Variants in DLGAP4 observed in about 807,000 individuals in gnomAD.
DLGAP4 encodes the protein DLG associated protein 4.
In DLGAP4, 18 loss-of-function variants were observed where a neutral mutation model predicts 86.9. That is an observed-to-expected ratio of 0.21 (90% CI 0.14 to 0.31). The LOEUF is 0.31. DLGAP4 is among the 10% of genes least tolerant of loss of function. The pLI is 1.00. For synonymous variants in DLGAP4, 548 were observed against 574.3 expected (o/e 0.95, Z 0.65); for missense variants, 1,085 against 1,362.6 (o/e 0.80, Z 3.21).
Position 36,395,585 on chromosome 20 carries a change from G to T in DLGAP4, c.-73+28310G>T, listed in dbSNP as rs1425446683. 2.0e-5 allele frequency among the ~76,000 whole-genome samples: 3 copies of T among 152,038 alleles called. No homozygotes were observed. In the South Asian group the frequency reaches 6.2e-4, roughly 32 times the overall value. ...GCAATCTTGGCTCACTGCAACCTCC[G>T]CCTCCCAGGTTCAAGTGATTCTCCT... On this transcript the variant is annotated intron_variant, in intron 2 of 12. Transcript: ENST00000339266.
intron 4 of DLGAP4, 147 bp downstream of exon 4, chr20:36,436,497 C>A: frequency 7.4e-7 from 1 of 1,349,236 alleles, no homozygotes; most frequent in Non-Finnish European, 9.7e-7. Flanking sequence ...ACTCATGAGT[C>A]CTGCTTCTTG....
intron 7 of DLGAP4, among the ~76,000 whole-genome samples, chr20:36,475,957 T>A (rs2034895672): frequency 6.6e-6 from 1 of 152,052 alleles, no homozygotes; most frequent in East Asian, 2.0e-4. Flanking sequence ...CCTCCCGGGT[T>A]CAAGCAATTC....
At chr20:36,348,975 C>A (rs949051274) in intron 1 of DLGAP4, among the ~76,000 whole-genome samples, 2 of 150,938 alleles carry the variant, frequency 1.3e-5, no homozygotes, top group African/African-American at 4.9e-5. Context: ...TGGTGGTGTG[C>A]GCCTGTAATC....
chr20:36,317,628 A>C (rs2065122585), intron 1 of DLGAP4, among the ~76,000 whole-genome samples: 1 of 151,366 alleles, frequency 6.6e-6, no homozygotes, highest in Non-Finnish European at 1.5e-5. Flanking sequence ...TAATTAAAAA[A>C]AAAAAAAATT....
chr20:36,514,706 G>A lies in DLGAP4; in HGVS notation c.2513-9544G>A, dbSNP rs79939999. ...TAGGATTACAGGCATGAGCCACCGC[G>A]CCTGTCCTTGTTTTGTTTTTTTAAT... is the stretch of plus-strand genomic sequence containing the variant. On this transcript the variant is annotated intron_variant, in intron 10 of 12. Coordinates refer to ENST00000339266, the MANE Select transcript of DLGAP4 (RefSeq NM_001365621.2). 3.1e-3 allele frequency among the ~76,000 whole-genome samples: 470 copies of A among 152,122 alleles called. 2 individuals are homozygous for A. Among genetic ancestry groups the A allele is most frequent in the African/African-American group, 0.011 (445 of 41,498 alleles).
intron 4 of DLGAP4, among the ~76,000 whole-genome samples, chr20:36,438,720 T>A (rs1044533447): frequency 6.9e-6 from 1 of 144,334 alleles, no homozygotes; most frequent in African/African-American, 2.6e-5. Context: ...TTTTTTTTTT[T>A]TTTTTTGAGA....
intron 1 of DLGAP4, among the ~76,000 whole-genome samples, chr20:36,325,333 C>A (rs2065205716): frequency 6.6e-6 from 1 of 152,032 alleles, no homozygotes; most frequent in Non-Finnish European, 1.5e-5. Flanking sequence ...TTTTGCATAA[C>A]TTTAATCTTC....
chr20:36,470,765 T>G (rs1278794700), intron 7 of DLGAP4, among the ~76,000 whole-genome samples: 1 of 152,166 alleles, frequency 6.6e-6, no homozygotes, highest in African/African-American at 2.4e-5. Context: ...GAATTTTTCA[T>G]GTAAGTCTCT....
chr20:36,430,969 A>G (rs1395199370), intron 2 of DLGAP4, among the ~76,000 whole-genome samples: 1 of 151,614 alleles, frequency 6.6e-6, no homozygotes, highest in Non-Finnish European at 1.5e-5. Flanking sequence ...AAAAAAAAAA[A>G]AAAAAGACCT....
At chr20:36,450,420 C>T (rs1600546825) in intron 7 of DLGAP4, among the ~76,000 whole-genome samples, 1 of 152,190 alleles carries the variant, frequency 6.6e-6, no homozygotes, top group East Asian at 1.9e-4. Flanking sequence ...ATCGCTTAAG[C>T]CCGGGAGGTG....
Position 36,446,747 on chromosome 20 carries a change from C to A in DLGAP4, c.1458C>A (p.Ala486=). ...SDQYEAACES[A]CSEAESTAAE... is the part of the protein sequence containing the mutation. Reference sequence around the variant, plus strand: ...AGTATGAGGCGGCCTGCGAGTCAGCCTGCAGTGAAGCGGAGTCCACAGCGG... The same window carrying A: ...AGTATGAGGCGGCCTGCGAGTCAGCATGCAGTGAAGCGGAGTCCACAGCGG... The change falls in exon 7 of 13, where the codon GCC becomes GCA. Residue 486 remains alanine, a synonymous_variant. Transcript: ENST00000339266. The A allele has an allele frequency of 6.2e-7, 1 of 1,612,872 alleles. No homozygotes were observed.
intron 7 of DLGAP4, among the ~76,000 whole-genome samples, chr20:36,491,591 T>C (rs2035664968): frequency 6.6e-6 from 1 of 151,016 alleles, no homozygotes; most frequent in Non-Finnish European, 1.5e-5. Context: ...AGGTGTGCCG[T>C]GTTTGGGAAT....
At chr20:36,484,312 C>T (rs1271693390) in intron 7 of DLGAP4, among the ~76,000 whole-genome samples, 2 of 152,196 alleles carry the variant, frequency 1.3e-5, no homozygotes, top group Non-Finnish European at 2.9e-5. Flanking sequence ...GAGGACCTGC[C>T]GCCCTGGACT....
intron 10 of DLGAP4, among the ~76,000 whole-genome samples, chr20:36,520,713 T>C (rs1403496855): frequency 6.6e-6 from 1 of 152,208 alleles, no homozygotes; most frequent in South Asian, 2.1e-4. Context: ...TTTATCTGCT[T>C]TTTTTTCCCT....
At chr20:36,319,980 C>T (rs1196294848) in intron 1 of DLGAP4, among the ~76,000 whole-genome samples, 1 of 151,820 alleles carries the variant, frequency 6.6e-6, no homozygotes, top group African/African-American at 2.4e-5. Context: ...CCCACTCCCC[C>T]GGGCCTCCCT....
At position 36,308,107 on chromosome 20, in the gene DLGAP4, C is replaced by T. The variant is rs528568248; in HGVS notation, c.-304+1595C>T. Among the ~76,000 whole-genome samples the T allele has an allele frequency of 1.8e-4, 27 of 152,322 alleles. 2 individuals are homozygous for T. In the South Asian group the frequency reaches 4.6e-3, roughly 26 times the overall value. On this transcript the variant is annotated intron_variant, in intron 1 of 12. Coordinates refer to ENST00000339266, the MANE Select transcript of DLGAP4 (RefSeq NM_001365621.2). This position sits in a 1 kb window ranked among gnomAD's most constrained non-coding sequence, Gnocchi z 4.5. ...AGTGTGTTCCCAGCAGCTCCGGAGA[C>T]GCTGGCTGTGCACGTGGGGCTGGCT...
At chr20:36,429,270 G>T (rs536680023) in intron 2 of DLGAP4, among the ~76,000 whole-genome samples, 3 of 151,744 alleles carry the variant, frequency 2.0e-5, no homozygotes, top group South Asian at 4.2e-4. Flanking sequence ...TAGAGATGGG[G>T]TTTCACTACG....
chr20:36,348,458 G>A (rs781829063), intron 1 of DLGAP4, among the ~76,000 whole-genome samples: 2 of 151,174 alleles, frequency 1.3e-5, no homozygotes, highest in Non-Finnish European at 2.9e-5. Flanking sequence ...CTCTCTTGTC[G>A]CCCATCTCGT....
chr20:36,416,071 C>A (rs1385313829), intron 2 of DLGAP4, among the ~76,000 whole-genome samples: 1 of 152,178 alleles, frequency 6.6e-6, no homozygotes, highest in East Asian at 1.9e-4. Context: ...GTCCTTTATG[C>A]TTGGGATGAG....
Sources: gnomAD v4.1 joint callset for allele counts (sites outside exome capture counted in the v4.1 genomes callset) on GRCh38, gnomAD v4.1.1 for gene constraint, Gnocchi (gnomAD v3.1) non-coding constraint, MANE v1.5 for transcripts, NCBI Gene and HGNC (gene_info 2026-07-23, HGNC 2026-07-21) for gene names.